RGS22: variants seen among roughly 807,000 people sequenced by gnomAD.
RGS22 encodes regulator of G protein signaling 22.
A neutral mutation model predicts 172.9 loss-of-function variants in RGS22; 148 were observed. The ratio of observed to expected loss-of-function variants is 0.86; its 90% CI spans 0.75 to 0.98. RGS22 has a LOEUF of 0.98. Ranked by LOEUF, RGS22 falls within the 50% of genes least tolerant of loss-of-function variation. RGS22 has a pLI of 0.00. For missense variants in RGS22, 1,347 were observed against 1,440.8 expected, an observed-to-expected ratio of 0.93 and a Z score of 1.05; for synonymous variants, 458 against 480.2, an observed-to-expected ratio of 0.95 and a Z score of 0.60.
Position 99,987,546 on chromosome 8 carries a change from G to A in RGS22, c.3092C>T (p.Thr1031Ile). The change falls in exon 21 of 28, where the codon ACT (threonine) becomes ATT (isoleucine). Residue 1031 changes from threonine to isoleucine, a missense_variant. Transcript: ENST00000360863. ...AFRKALLNPV[T>I]SRQFQRFVAL... is the part of the protein sequence containing the mutation. Reference sequence around the variant, plus strand: ...CACAAAACGTTGAAATTGTCTTGAAGTAACTGGATTCAATAATGCTTTGCG... The same window carrying A: ...CACAAAACGTTGAAATTGTCTTGAAATAACTGGATTCAATAATGCTTTGCG... 6.2e-6 allele frequency: 10 copies of A among 1,611,874 alleles called. No homozygotes were observed. The highest frequency in any genetic ancestry group is 8.5e-6 in the Non-Finnish European group (10 of 1,178,872).
At chr8:99,971,147 T>C (rs1359102326) in intron 23 of RGS22, among the ~76,000 whole-genome samples, 2 of 152,194 alleles carry the variant, frequency 1.3e-5, no homozygotes, top group African/African-American at 2.4e-5. Flanking sequence ...TCTCAATAGA[T>C]GCAGAAAAGG....
chr8:100,102,044 T>C (rs1307236085), intron 2 of RGS22, among the ~76,000 whole-genome samples: 2 of 152,210 alleles, frequency 1.3e-5, no homozygotes, highest in Non-Finnish European at 2.9e-5. Flanking sequence ...CATCTCATGA[T>C]TTAAGATGAC....
At chr8:100,041,765 T>C (rs1820152157) in intron 12 of RGS22, 37 bp downstream of exon 12, 2 of 1,109,592 alleles carry the variant, frequency 1.8e-6, no homozygotes, top group Admixed American at 1.9e-5. Context: ...ATCAGTTAAA[T>C]GAAGAATCAG....
At chr8:100,021,599 G>T (rs535065127) in intron 14 of RGS22, among the ~76,000 whole-genome samples, 2 of 152,144 alleles carry the variant, frequency 1.3e-5, no homozygotes, top group Non-Finnish European at 2.9e-5. Flanking sequence ...TCACTTCACA[G>T]ATCATCTTAA....
At chr8:100,036,675 T>C (rs964326964) in intron 14 of RGS22, among the ~76,000 whole-genome samples, 2 of 152,166 alleles carry the variant, frequency 1.3e-5, no homozygotes, top group African/African-American at 4.8e-5. Flanking sequence ...CATAGCTTAC[T>C]GCAGCCTTGA....
At chr8:100,062,221 T>C (rs982700575) in intron 9 of RGS22, among the ~76,000 whole-genome samples, 1 of 152,036 alleles carries the variant, frequency 6.6e-6, no homozygotes, top group African/African-American at 2.4e-5. Context: ...ACCTGGGTGA[T>C]GAAATAATCC....
At chr8:100,094,389 C>T (rs1423934835) in intron 2 of RGS22, among the ~76,000 whole-genome samples, 1 of 152,010 alleles carries the variant, frequency 6.6e-6, no homozygotes, top group Non-Finnish European at 1.5e-5. Context: ...TTTATACTGG[C>T]CAATTTTTAA....
chr8:100,046,296 TCA>T (rs1301623890), intron 11 of RGS22: 1 of 152,022 alleles, frequency 6.6e-6, no homozygotes, highest in East Asian at 1.9e-4. Flanking sequence ...ATTCTGAACC[TCA>T]CTTTTCAGCT....
At chr8:100,088,247 C>A (rs1213696573) in intron 3 of RGS22, among the ~76,000 whole-genome samples, 3 of 152,104 alleles carry the variant, frequency 2.0e-5, no homozygotes, top group African/African-American at 7.2e-5. Context: ...CATAACTAAG[C>A]ATGGTCTGGC....
intron 23 of RGS22, among the ~76,000 whole-genome samples, chr8:99,977,510 T>C (rs910409151): frequency 7.9e-5 from 12 of 152,082 alleles, no homozygotes; most frequent in Non-Finnish European, 1.0e-4. Flanking sequence ...ATAAACAATA[T>C]TAATAATTAA....
intron 16 of RGS22, 54 bp from the exon 17 acceptor site, chr8:100,004,152 C>T (rs376267013): frequency 6.7e-7 from 1 of 1,487,000 alleles, no homozygotes; most frequent in South Asian, 1.5e-5. Flanking sequence ...AGATTGTTTA[C>T]AATTTTAAGT....
chr8:100,047,903 A>G lies in RGS22; in HGVS notation c.1690-307T>C, dbSNP rs142662726. ...CATTGTAAAAACGATTCTTTATTCT[A>G]TAACTGAATAGGTATTAGAGCTAGA... is the stretch of plus-strand genomic sequence containing the variant. On this transcript the variant is annotated intron_variant, in intron 10 of 27. Transcript: ENST00000360863. 8.7e-4 allele frequency among the ~76,000 whole-genome samples: 133 copies of G among 152,208 alleles called. 1 individual carries two copies. The East Asian group carries it at 0.023, about 27-fold the overall frequency.
At chr8:100,023,116 A>G (rs1005720549) in intron 14 of RGS22, among the ~76,000 whole-genome samples, 1 of 152,236 alleles carries the variant, frequency 6.6e-6, no homozygotes, top group African/African-American at 2.4e-5. Flanking sequence ...GGACTGATAC[A>G]TGAAACCAGA....
At chr8:100,093,943 AT>A (rs781075620) in intron 2 of RGS22, among the ~76,000 whole-genome samples, 2 of 152,196 alleles carry the variant, frequency 1.3e-5, no homozygotes, top group Non-Finnish European at 2.9e-5. Flanking sequence ...GAGAATGTAA[AT>A]TTCTTGAATT....
chr8:100,085,557 A>G (rs1348368758), intron 3 of RGS22, among the ~76,000 whole-genome samples: 1 of 152,232 alleles, frequency 6.6e-6, no homozygotes, highest in African/African-American at 2.4e-5. Flanking sequence ...AAAGTTCATG[A>G]GTCAGTTGTT....
At chr8:99,981,862 C>T in intron 22 of RGS22, 75 bp downstream of exon 22, 1 of 1,406,582 alleles carries the variant, frequency 7.1e-7, no homozygotes, top group Admixed American at 2.3e-5. Context: ...ACGCCTGGCC[C>T]AAAAGGATAT....
intron 4 of RGS22, among the ~76,000 whole-genome samples, chr8:100,079,266 C>T (rs150409328): frequency 3.4e-4 from 52 of 152,092 alleles, no homozygotes; most frequent in East Asian, 3.9e-4. Flanking sequence ...GTTCTGGCTT[C>T]GAAACAATGT....
chr8:99,987,753 C>T (rs1813269650), intron 20 of RGS22, 134 bp from the exon 21 acceptor site: 1 of 532,308 alleles, frequency 1.9e-6, no homozygotes, highest in Non-Finnish European at 3.0e-6. Flanking sequence ...TTCACCTATT[C>T]CTTTCTCTTT....
At chr8:100,043,394 C>G (rs1451171581) in intron 11 of RGS22, among the ~76,000 whole-genome samples, 3 of 152,194 alleles carry the variant, frequency 2.0e-5, no homozygotes, top group Admixed American at 2.0e-4. Flanking sequence ...CCTCTGGATT[C>G]TATTCTAGGC....
Sources: allele counts gnomAD v4.1 joint callset (sites outside exome capture counted in the v4.1 genomes callset), GRCh38; gene constraint gnomAD v4.1.1; transcripts MANE v1.5; gene names NCBI Gene and HGNC (gene_info 2026-07-23, HGNC 2026-07-21).